Variants in LRP1B observed in about 807,000 individuals in gnomAD.
LRP1B encodes the protein LDL receptor related protein 1B.
In LRP1B, 217 loss-of-function variants were observed where a neutral mutation model predicts 556.6. That is an observed-to-expected ratio of 0.39 (90% CI 0.35 to 0.44). The LOEUF is 0.44. Ranked by LOEUF, LRP1B falls within the 20% of genes least tolerant of loss-of-function variation. The probability of loss-of-function intolerance (pLI) is 1.00; values close to 1 mark genes in which losing one functional copy is unlikely to be tolerated. For missense variants in LRP1B, 5,053 were observed against 5,620.8 expected, an observed-to-expected ratio of 0.90 and a Z score of 3.23; for synonymous variants, 2,047 against 1,865.8, an observed-to-expected ratio of 1.10 and a Z score of -2.50.
chr2:141,427,990 G>A (rs982193678), intron 3 of LRP1B, among the ~76,000 whole-genome samples: 2 of 152,088 alleles, frequency 1.3e-5, no homozygotes, highest in Non-Finnish European at 2.9e-5. Flanking sequence ...TTTCAGAGAA[G>A]CTATAAAATA....
chr2:140,530,988 T>C (rs968162927), intron 47 of LRP1B, among the ~76,000 whole-genome samples: 6 of 152,132 alleles, frequency 3.9e-5, no homozygotes, highest in African/African-American at 1.2e-4. Flanking sequence ...AAAATCTATT[T>C]ATATTTTAGA....
chr2:140,358,832 T>A lies in LRP1B; in HGVS notation c.11246A>T (p.Asp3749Val), dbSNP rs1385512921. 6.2e-7 allele frequency: 1 copy of A among 1,608,198 alleles called. No homozygotes were observed. Among genetic ancestry groups the A allele is most frequent in the Admixed American group, 1.7e-5 (1 of 59,792 alleles). ...IDECGDNSDEDHCGGKLTYKA... is the reference protein window; with the variant it reads ...IDECGDNSDEVHCGGKLTYKA... ...TTAAATGCATTTACCACCACAGTGA[T>A]CTTCATCTGAATTGTCACCGCATTC... The change falls in exon 73 of 91, where the codon GAT becomes GTT. Residue 3749 changes from aspartate (D) to valine (V), a missense_variant. Physicochemically the swap from Asp to Val is radical, Grantham distance 152. Around this residue, in one of 5 missense-constraint regions of LRP1B, gnomAD observed 599 missense variants for 648.4 expected, o/e 0.92. Transcript: ENST00000389484.
intron 1 of LRP1B, among the ~76,000 whole-genome samples, chr2:142,125,669 C>T (rs1707616721): frequency 6.6e-6 from 1 of 151,778 alleles, no homozygotes; most frequent in Non-Finnish European, 1.5e-5. Context: ...TTTGTGATTG[C>T]TCTGTTGCAA....
At chr2:141,970,328 A>T (rs1701692873) in intron 1 of LRP1B, among the ~76,000 whole-genome samples, 1 of 151,656 alleles carries the variant, frequency 6.6e-6, no homozygotes, top group Non-Finnish European at 1.5e-5. Context: ...CCATTATTTT[A>T]GATCAAGAAT....
At chr2:140,444,795 T>A in intron 63 of LRP1B, 116 bp from the exon 64 acceptor site, 1 of 676,524 alleles carries the variant, frequency 1.5e-6, no homozygotes, top group Non-Finnish European at 2.6e-6. Flanking sequence ...GAATACAATG[T>A]GAATGTCTCT....
At chr2:140,896,685 T>C (rs1693964121) in intron 23 of LRP1B, among the ~76,000 whole-genome samples, 1 of 152,084 alleles carries the variant, frequency 6.6e-6, no homozygotes, top group South Asian at 2.1e-4. Flanking sequence ...TATCCTTATG[T>C]TGACCAGGCT....
chr2:140,560,421 G>T (rs1486969618), intron 43 of LRP1B, among the ~76,000 whole-genome samples: 1 of 152,106 alleles, frequency 6.6e-6, no homozygotes, highest in Admixed American at 6.6e-5. Context: ...TATTTAAAAT[G>T]TTAACATTTG....
rs1474473181 is a variant in LRP1B at position 140,870,688 on chromosome 2, T to TA, written c.4170-2426dup. 3.9e-5 allele frequency among the ~76,000 whole-genome samples: 6 copies of TA among 152,114 alleles called. No homozygotes were observed. In the South Asian group the frequency reaches 1.2e-3, roughly 31 times the overall value. On this transcript the variant is annotated intron_variant, in intron 25 of 90. Coordinates refer to ENST00000389484, the MANE Select transcript of LRP1B (RefSeq NM_018557.3). The stretch of plus-strand genomic sequence containing the variant: ...GATAAATGGTAAAATTATGAAATGG[T>TA]AAAAAAATAAATTTTCTCTTCATTT...
At chr2:140,485,314 C>CT in intron 59 of LRP1B, 29 bp downstream of exon 59, 12 of 1,573,866 alleles carry the variant, frequency 7.6e-6, no homozygotes, top group Non-Finnish European at 1.0e-5. Context: ...CAGTCTTAAA[C>CT]TTTAAGATTT....
intron 7 of LRP1B, among the ~76,000 whole-genome samples, chr2:141,139,030 A>C (rs1701562774): frequency 6.6e-6 from 1 of 151,978 alleles, no homozygotes; most frequent in African/African-American, 2.4e-5. Flanking sequence ...TAAATATTTT[A>C]GAAATAAATC....
At chr2:141,579,314 C>T (rs1686871235) in intron 2 of LRP1B, among the ~76,000 whole-genome samples, 1 of 152,156 alleles carries the variant, frequency 6.6e-6, no homozygotes, top group East Asian at 1.9e-4. Context: ...ATCACATTCA[C>T]AACCATAGTA....
intron 83 of LRP1B, among the ~76,000 whole-genome samples, chr2:140,298,657 A>G (rs1683700407): frequency 6.6e-6 from 1 of 152,140 alleles, no homozygotes; most frequent in Non-Finnish European, 1.5e-5. Flanking sequence ...ATAAGACCAA[A>G]TATGACAGAT....
At chr2:140,610,955 T>C (rs1028108371) in intron 41 of LRP1B, among the ~76,000 whole-genome samples, 3 of 152,246 alleles carry the variant, frequency 2.0e-5, no homozygotes, top group African/African-American at 7.2e-5. Flanking sequence ...GATTATTATG[T>C]GAGTTAACAT....
At chr2:141,067,897 G>A (rs894065291) in intron 7 of LRP1B, among the ~76,000 whole-genome samples, 1 of 151,936 alleles carries the variant, frequency 6.6e-6, no homozygotes, top group African/African-American at 2.4e-5. Context: ...GCATATCAAA[G>A]TAAAGGGGCT....
chr2:141,558,466 C>T (rs766415533), intron 2 of LRP1B, among the ~76,000 whole-genome samples: 1 of 151,764 alleles, frequency 6.6e-6, no homozygotes, highest in Non-Finnish European at 1.5e-5. Flanking sequence ...TACCTTCTCT[C>T]TTCTTCACAT....
intron 43 of LRP1B, among the ~76,000 whole-genome samples, chr2:140,584,430 GCTAT>G (rs1336657859): frequency 3.3e-5 from 5 of 151,282 alleles, no homozygotes; most frequent in African/African-American, 9.7e-5. Context: ...GCTTTTGTTA[GCTAT>G]CTGTTATTTT....
intron 11 of LRP1B, among the ~76,000 whole-genome samples, chr2:141,033,210 G>A (rs1354703707): frequency 2.0e-5 from 3 of 151,972 alleles, no homozygotes; most frequent in Non-Finnish European, 2.9e-5. Flanking sequence ...TGGTGGAAGG[G>A]AGGGAGGGAA....
At chr2:141,414,202 A>G (rs529491264) in intron 3 of LRP1B, among the ~76,000 whole-genome samples, 5 of 146,270 alleles carry the variant, frequency 3.4e-5, no homozygotes, top group Non-Finnish European at 7.5e-5. Context: ...GCGCCACTGC[A>G]CTCCAGCCTG....
chr2:140,725,108 C>G (rs1245033103), intron 35 of LRP1B, among the ~76,000 whole-genome samples: 2 of 152,094 alleles, frequency 1.3e-5, no homozygotes, highest in Non-Finnish European at 2.9e-5. Context: ...TTCATATTTT[C>G]TTAAGCAACC....
Sources: gnomAD v4.1 joint callset for allele counts (sites outside exome capture counted in the v4.1 genomes callset) on GRCh38, gnomAD v4.1.1 for gene constraint, gnomAD v4.1.1 regional missense constraint, MANE v1.5 for transcripts, NCBI Gene and HGNC (gene_info 2026-07-23, HGNC 2026-07-21) for gene names.